GNG12: variants seen among roughly 807,000 people sequenced by gnomAD.
GNG12 encodes guanine nucleotide-binding protein G(I)/G(S)/G(O) subunit gamma-12.
For missense variants in GNG12, 69 were observed against 83.8 expected, an observed-to-expected ratio of 0.82 and a Z score of 0.69; for synonymous variants, 28 against 29.7, an observed-to-expected ratio of 0.94 and a Z score of 0.19.
At chr1:67,827,281 T>C (rs182167242) in intron 1 of GNG12, among the ~76,000 whole-genome samples, 4 of 152,328 alleles carry the variant, frequency 2.6e-5, no homozygotes. Flanking sequence ...TCTGACTCTC[T>C]GGGCCCAAAG....
chr1:67,730,520 C>A (rs143036801), intron 2 of GNG12, among the ~76,000 whole-genome samples: 179 of 151,754 alleles, frequency 1.2e-3, no homozygotes, highest in African/African-American at 4.1e-3. Flanking sequence ...CGCCCCCGCA[C>A]CGACCCCCGC....
chr1:67,798,048 G>GAC (rs1192279822), intron 1 of GNG12, among the ~76,000 whole-genome samples: 7 of 152,032 alleles, frequency 4.6e-5, no homozygotes, highest in Non-Finnish European at 8.8e-5. Flanking sequence ...GAACTTATAG[G>GAC]AGGTTCCTTT....
At chr1:67,746,857 G>A (rs1646510829) in intron 2 of GNG12, among the ~76,000 whole-genome samples, 1 of 152,152 alleles carries the variant, frequency 6.6e-6, no homozygotes, top group South Asian at 2.1e-4. Flanking sequence ...GTAAAATGAT[G>A]TAGAAGGCTT....
At chr1:67,787,612 T>C (rs760016488) in intron 1 of GNG12, among the ~76,000 whole-genome samples, 9 of 152,160 alleles carry the variant, frequency 5.9e-5, no homozygotes, top group Non-Finnish European at 1.3e-4. Flanking sequence ...AATAGACCTC[T>C]AGAGAGAGGG....
rs1374606117 is a variant in GNG12, at chr1:67,702,935, T to C, written c.*2516A>G. The C allele has an allele frequency of 6.6e-6, 1 of 152,218 alleles. No individual in the cohort carries two copies. Among genetic ancestry groups the C allele is most frequent in the Non-Finnish European group, 1.5e-5 (1 of 68,026 alleles). 9.4% of individuals were successfully genotyped at this position (152,218 alleles called of 1,614,324 possible). A position where few individuals can be genotyped will look rare whatever the true frequency, so the allele number is the denominator to read the frequency against. On this transcript the variant is annotated 3_prime_UTR_variant, in exon 4 of 4. Coordinates refer to ENST00000370982, the MANE Select transcript of GNG12 (RefSeq NM_018841.6). The stretch of plus-strand genomic sequence containing the variant: ...GGTAGTTGGAAAAAGTAACAAACAC[T>C]GGGTATTTGTCTATCATTAACATAA...
chr1:67,721,439 G>A (rs1454927490), intron 2 of GNG12, among the ~76,000 whole-genome samples: 1 of 152,102 alleles, frequency 6.6e-6, no homozygotes, highest in Non-Finnish European at 1.5e-5. Context: ...CAGAAACTCT[G>A]GGAGTGGGCC....
chr1:67,734,430 G>A (rs1305442135), intron 2 of GNG12, among the ~76,000 whole-genome samples: 2 of 152,194 alleles, frequency 1.3e-5, no homozygotes. Flanking sequence ...GCACAACGGT[G>A]TTCCAGGTCC....
chr1:67,739,813 C>T (rs1646472950), intron 2 of GNG12, among the ~76,000 whole-genome samples: 1 of 152,168 alleles, frequency 6.6e-6, no homozygotes, highest in African/African-American at 2.4e-5. Context: ...TTAAACCTAA[C>T]CCAGCCAGGA....
intron 1 of GNG12, among the ~76,000 whole-genome samples, chr1:67,813,003 C>T (rs960283789): frequency 6.6e-6 from 1 of 152,212 alleles, no homozygotes; most frequent in Non-Finnish European, 1.5e-5. Context: ...GCATCCATTT[C>T]TTCATTTGTA....
intron 2 of GNG12, among the ~76,000 whole-genome samples, chr1:67,761,551 G>A (rs1034236030): frequency 1.3e-5 from 2 of 152,134 alleles, no homozygotes; most frequent in African/African-American, 4.8e-5. Context: ...GGGGCATCTT[G>A]TTCAATAACA....
At chr1:67,729,972 G>T (rs534237058) in intron 2 of GNG12, among the ~76,000 whole-genome samples, 3 of 152,268 alleles carry the variant, frequency 2.0e-5, no homozygotes, top group East Asian at 1.9e-4. Context: ...TGCCATTCTA[G>T]TCCTAGGTGT....
Position 67,820,381 on chromosome 1 carries a change from C to CA in GNG12, c.-77+12962dup, listed in dbSNP as rs762387033. 8.8e-3 allele frequency among the ~76,000 whole-genome samples: 937 copies of CA among 106,214 alleles called. 10 individuals carry two copies. Among genetic ancestry groups the CA allele is most frequent in the Non-Finnish European group, 9.2e-3 (461 of 49,928 alleles). The allele number at this position is 106,214 out of a possible 152,430, so 69.7% of individuals were successfully genotyped here. A position where few individuals can be genotyped will look rare whatever the true frequency, so the allele number is the denominator to read the frequency against. ...TGGATGACAGAGTGAGACTCCATCTCAAAAAAAAAAAAAAGATCAACTTGG... is the reference window on the plus strand; with the variant it reads ...TGGATGACAGAGTGAGACTCCATCTCAAAAAAAAAAAAAAAGATCAACTTGG... On this transcript the variant is annotated intron_variant, in intron 1 of 3. Coordinates refer to ENST00000370982, the MANE Select transcript of GNG12 (RefSeq NM_018841.6).
intron 2 of GNG12, among the ~76,000 whole-genome samples, chr1:67,717,956 G>A (rs1646335918): frequency 1.3e-5 from 2 of 152,184 alleles, no homozygotes; most frequent in South Asian, 2.1e-4. Context: ...AATAACAATA[G>A]TACTTACCTT....
intron 2 of GNG12, among the ~76,000 whole-genome samples, chr1:67,773,528 C>T (rs1415349816): frequency 6.6e-6 from 1 of 152,044 alleles, no homozygotes; most frequent in East Asian, 1.9e-4. Context: ...TCAAACTGCC[C>T]CCAAAAGGCA....
intron 2 of GNG12, among the ~76,000 whole-genome samples, chr1:67,744,755 C>G (rs1646499488): frequency 6.6e-6 from 1 of 152,184 alleles, no homozygotes; most frequent in Non-Finnish European, 1.5e-5. Context: ...ATGGGAAGAG[C>G]GAGCTTTGGT....
chr1:67,787,573 CA>C lies in GNG12; in HGVS notation c.-76-10067del, dbSNP rs776963126. Among the ~76,000 whole-genome samples, 10 of 152,266 alleles carry C rather than the reference CA, an allele frequency of 6.6e-5. No individual in the cohort carries two copies. In the South Asian group the frequency reaches 1.0e-3, roughly 16 times the overall value. ...ATCTTCACATCAGAAAGAGCACTGA[CA>C]GGGGGGACAGCCAAGGCCCTTTTAG... On this transcript the variant is annotated intron_variant, in intron 1 of 3. Transcript: ENST00000370982.
At chr1:67,739,894 C>G (rs552218376) in intron 2 of GNG12, among the ~76,000 whole-genome samples, 1 of 152,278 alleles carries the variant, frequency 6.6e-6, no homozygotes, top group East Asian at 1.9e-4. Flanking sequence ...AGCTGCTTTT[C>G]CATCCTTTTC....
chr1:67,783,786 G>A (rs1206788875), intron 1 of GNG12, among the ~76,000 whole-genome samples: 1 of 152,110 alleles, frequency 6.6e-6, no homozygotes, highest in Non-Finnish European at 1.5e-5. Context: ...ACACCAGTTA[G>A]AATGGCGATC....
chr1:67,707,733 A>C, intron 2 of GNG12, 21 bp from the exon 3 acceptor site: 1 of 1,260,108 alleles, frequency 7.9e-7, no homozygotes, highest in Non-Finnish European at 1.1e-6. Context: ...TTTTTTTTAA[A>C]GACAAGTAAC....
Sources: gnomAD v4.1 joint callset for allele counts (sites outside exome capture counted in the v4.1 genomes callset) on GRCh38, gnomAD v4.1.1 for gene constraint, MANE v1.5 for transcripts, NCBI Gene and HGNC (gene_info 2026-07-23, HGNC 2026-07-21) for gene names.